XXYLT1: variants seen among roughly 807,000 people sequenced by gnomAD.
The protein encoded by XXYLT1 is xyloside xylosyltransferase 1.
XXYLT1 carries 20 observed loss-of-function variants against 28.9 expected under a neutral mutation model. The ratio of observed to expected loss-of-function variants is 0.69; its 90% CI spans 0.49 to 1.00. XXYLT1 has a LOEUF of 1.00. Among genes scored for constraint, XXYLT1 ranks in the 50% least tolerant of loss-of-function variants. The pLI is 0.00. For missense variants in XXYLT1, 542 were observed against 560.1 expected, an observed-to-expected ratio of 0.97 and a Z score of 0.33; for synonymous variants, 257 against 253.8, an observed-to-expected ratio of 1.01 and a Z score of -0.12.
intron 3 of XXYLT1, among the ~76,000 whole-genome samples, chr3:195,075,775 T>A (rs977133683): frequency 6.6e-6 from 1 of 152,232 alleles, no homozygotes; most frequent in Non-Finnish European, 1.5e-5. Context: ...GTGCTTGTTT[T>A]CAAACCCCAG....
intron 3 of XXYLT1, among the ~76,000 whole-genome samples, chr3:195,117,855 TCCTGGGCC>T (rs888724624): frequency 1.4e-4 from 22 of 152,244 alleles, no homozygotes; most frequent in Admixed American, 1.1e-3. Context: ...GAGTTCCCAT[TCCTGGGCC>T]CCTGGGCCAC....
At chr3:195,199,615 G>GA (rs987729925) in intron 2 of XXYLT1, among the ~76,000 whole-genome samples, 1 of 150,304 alleles carries the variant, frequency 6.7e-6, no homozygotes, top group Non-Finnish European at 1.5e-5. Context: ...GGTCTCAAAA[G>GA]AAAAAAAAAG....
At chr3:195,219,884 G>T (rs1723744789) in intron 2 of XXYLT1, among the ~76,000 whole-genome samples, 1 of 152,230 alleles carries the variant, frequency 6.6e-6, no homozygotes, top group Non-Finnish European at 1.5e-5. Flanking sequence ...ACAATGGCAA[G>T]CGTCACACTA....
intron 1 of XXYLT1, among the ~76,000 whole-genome samples, chr3:195,258,679 G>C (rs193022933): frequency 3.7e-4 from 56 of 152,348 alleles, no homozygotes; most frequent in Non-Finnish European, 2.2e-4. Context: ...GGGAAGGGAC[G>C]TGATGAAGAT....
chr3:195,237,021 T>A (rs1049919872), intron 1 of XXYLT1, among the ~76,000 whole-genome samples: 3 of 152,124 alleles, frequency 2.0e-5, no homozygotes, highest in Non-Finnish European at 4.4e-5. Flanking sequence ...GGAGGGGGTC[T>A]CTTTTGGAGC....
intron 2 of XXYLT1, among the ~76,000 whole-genome samples, chr3:195,224,500 C>T (rs1723964356): frequency 1.3e-5 from 2 of 152,226 alleles, no homozygotes; most frequent in Non-Finnish European, 2.9e-5. Context: ...TAACTCTTGT[C>T]ATCGGTCCCT....
At chr3:195,126,022 T>C (rs74664047) in intron 3 of XXYLT1, among the ~76,000 whole-genome samples, 6,059 of 152,310 alleles carry the variant, frequency 0.04, 188 homozygotes, top group East Asian at 0.15. Context: ...TTCTGCTATA[T>C]AGTCAGCAAA....
In XXYLT1 at chr3:195,088,127, C is replaced by G. The variant is rs527433772; in HGVS notation, c.786-18016G>C. On this transcript the variant is annotated intron_variant, in intron 3 of 3. Transcript: ENST00000310380. ...TGGGGGAGGGGCGCCCGCCATTGCC[C>G]AGGCTTGATTAGGTAAACAAAGCAG... is the stretch of plus-strand genomic sequence containing the variant. 5.2e-3 allele frequency among the ~76,000 whole-genome samples: 790 copies of G among 150,762 alleles called. 9 individuals are homozygous for G. The highest frequency in any genetic ancestry group is 9.4e-3 in the East Asian group (48 of 5,116).
rs531913960 is a variant in XXYLT1, at chr3:195,242,127, G to A, written c.505-15271C>T. ...AACGAGCAAATAAAGGGGCAGAGAG[G>A]AGGGGCGATGGGACAACTGTTTCAG... On this transcript the variant is annotated intron_variant, in intron 1 of 3. Transcript: ENST00000310380. Among the ~76,000 whole-genome samples the A allele has an allele frequency of 2.4e-4, 36 of 152,314 alleles. No individual in the cohort carries two copies. In the South Asian group the frequency reaches 7.2e-3, roughly 31 times the overall value.
intron 3 of XXYLT1, among the ~76,000 whole-genome samples, chr3:195,119,060 G>C (rs1354204624): frequency 6.6e-6 from 1 of 151,936 alleles, no homozygotes; most frequent in Non-Finnish European, 1.5e-5. Flanking sequence ...GGTGGATCAC[G>C]AGGTCAGGAG....
At chr3:195,071,440 A>G (rs916454183) in intron 3 of XXYLT1, among the ~76,000 whole-genome samples, 1 of 152,172 alleles carries the variant, frequency 6.6e-6, no homozygotes, top group African/African-American at 2.4e-5. Context: ...GGAACGGAGG[A>G]ACCTTCCTCA....
intron 3 of XXYLT1, among the ~76,000 whole-genome samples, chr3:195,114,907 C>T (rs1275367517): frequency 6.6e-6 from 1 of 152,220 alleles, no homozygotes; most frequent in East Asian, 1.9e-4. Flanking sequence ...AAGGTGCTAA[C>T]GCCAAGTGTG....
chr3:195,265,109 T>C (rs1228359842), intron 1 of XXYLT1, among the ~76,000 whole-genome samples: 2 of 150,852 alleles, frequency 1.3e-5, no homozygotes, highest in Admixed American at 1.3e-4. Context: ...GTGGCTCACA[T>C]TTGTAATGCC....
intron 3 of XXYLT1, among the ~76,000 whole-genome samples, chr3:195,119,677 G>C (rs1210531735): frequency 6.6e-6 from 1 of 152,152 alleles, no homozygotes; most frequent in Non-Finnish European, 1.5e-5. Flanking sequence ...GGAGGCCTCC[G>C]AGGGCTGTTT....
At chr3:195,260,357 A>C (rs1431916474) in intron 1 of XXYLT1, among the ~76,000 whole-genome samples, 5 of 152,060 alleles carry the variant, frequency 3.3e-5, no homozygotes, top group Admixed American at 2.6e-4. Flanking sequence ...TGCTGACCGC[A>C]GCCGCGGAGC....
chr3:195,095,442 G>A (rs1351411640), intron 3 of XXYLT1: 1 of 153,862 alleles, frequency 6.5e-6, no homozygotes. Flanking sequence ...CACAGAACCT[G>A]TGCCCCATAT....
rs114189534 is a variant in XXYLT1 at position 195,073,847 on chromosome 3, C to T, written c.786-3736G>A. On this transcript the variant is annotated intron_variant, in intron 3 of 3. Coordinates refer to ENST00000310380, the MANE Select transcript of XXYLT1 (RefSeq NM_152531.5). ...AGTCAACTAGTTTTCATGAAGAAAA[C>T]CCATCTTTATGGAAAAGGGCATCTG... Among the ~76,000 whole-genome samples the T allele has an allele frequency of 3.7e-3, 567 of 152,258 alleles. 4 individuals are homozygous for T. The highest frequency in any genetic ancestry group is 0.011 in the African/African-American group (477 of 41,536).
chr3:195,195,671 C>A lies in XXYLT1; in HGVS notation c.652+31038G>T, dbSNP rs1346816332. ...CTCTGGCAGTTCCCCTACTGCCCAG[C>A]CCGGGAACTCCATTCATACAGCTCT... On this transcript the variant is annotated intron_variant, in intron 2 of 3. Transcript: ENST00000310380. The surrounding 1 kb of genome is among the most constrained non-coding windows in gnomAD (Gnocchi z 4.4). Among the ~76,000 whole-genome samples, 1 of 152,184 alleles carries A rather than the reference C, an allele frequency of 6.6e-6. No individual in the cohort carries two copies. The highest frequency in any genetic ancestry group is 1.5e-5 in the Non-Finnish European group (1 of 68,026).
intron 3 of XXYLT1, among the ~76,000 whole-genome samples, chr3:195,125,093 A>C (rs1282946474): frequency 6.6e-6 from 1 of 152,254 alleles, no homozygotes; most frequent in Non-Finnish European, 1.5e-5. Context: ...TGATAGAAAA[A>C]AGAGAATGTG....
Sources: gnomAD v4.1 joint callset for allele counts (sites outside exome capture counted in the v4.1 genomes callset) on GRCh38, gnomAD v4.1.1 for gene constraint, Gnocchi (gnomAD v3.1) non-coding constraint, MANE v1.5 for transcripts, NCBI Gene and HGNC (gene_info 2026-07-23, HGNC 2026-07-21) for gene names.